The following TPO variants were observed in gnomAD, a reference collection of about 807,000 sequenced individuals.
TPO encodes the protein thyroid peroxidase.
TPO carries 78 observed loss-of-function variants against 96.9 expected under a neutral mutation model. That is an observed-to-expected ratio of 0.81 (90% CI 0.67 to 0.97). TPO has a LOEUF of 0.97. TPO is among the 50% of genes least tolerant of loss of function. The probability of loss-of-function intolerance (pLI) is 0.00; values close to 1 mark genes in which losing one functional copy is unlikely to be tolerated. For synonymous variants in TPO, 547 were observed against 538.0 expected (o/e 1.02, Z -0.23); for missense variants, 1,252 against 1,274.8 (o/e 0.98, Z 0.27).
At chr2:1,475,523 A>G (rs953795302) in intron 7 of TPO, among the ~76,000 whole-genome samples, 2 of 151,592 alleles carry the variant, frequency 1.3e-5, no homozygotes, top group African/African-American at 4.9e-5. Flanking sequence ...TCCCAGGTTC[A>G]CGCCATTCTC....
At position 1,433,625 on chromosome 2, in the gene TPO, C is replaced by T; in HGVS notation, c.349+18C>T. 1 of 1,611,988 alleles carries T rather than the reference C, an allele frequency of 6.2e-7. No homozygotes were observed. Among genetic ancestry groups the T allele is most frequent in the Non-Finnish European group, 8.5e-7 (1 of 1,178,798 alleles). ...TCCAACGGGTAATGTGTGCCCCTCT[C>T]CCCACTGAGGAGCGGCAACTCCCGA... is the stretch of plus-strand genomic sequence containing the variant. On this transcript the variant is annotated intron_variant, in intron 4 of 16. Coordinates refer to ENST00000329066, the MANE Select transcript of TPO (RefSeq NM_001206744.2).
At chr2:1,387,120 C>G (rs1661912353) in intron 1 of TPO, among the ~76,000 whole-genome samples, 1 of 152,154 alleles carries the variant, frequency 6.6e-6, no homozygotes, top group African/African-American at 2.4e-5. Flanking sequence ...GGTAACCCGA[C>G]CTTTCTCTCT....
intron 14 of TPO, among the ~76,000 whole-genome samples, chr2:1,511,833 A>G (rs941830456): frequency 9.9e-5 from 15 of 152,234 alleles, no homozygotes; most frequent in African/African-American, 3.6e-4. Context: ...GGGATTCAGC[A>G]TGAGAATCTG....
intron 14 of TPO, among the ~76,000 whole-genome samples, chr2:1,509,100 C>T (rs911035427): frequency 2.0e-5 from 3 of 152,076 alleles, no homozygotes; most frequent in Non-Finnish European, 2.9e-5. Context: ...TGTTCTCGTT[C>T]GTTTCAAAGA....
chr2:1,376,536 G>A (rs1395428995), intron 1 of TPO, among the ~76,000 whole-genome samples: 1 of 152,104 alleles, frequency 6.6e-6, no homozygotes, highest in Non-Finnish European at 1.5e-5. Flanking sequence ...GGCATTCGCG[G>A]GAGCACCAGC....
At chr2:1,537,284 TC>T (rs1216027835) in intron 15 of TPO, among the ~76,000 whole-genome samples, 5 of 62,054 alleles carry the variant, frequency 8.1e-5, no homozygotes, top group Admixed American at 2.4e-4. Context: ...CCTCCCCAAA[TC>T]CCCCCCACCC....
At chr2:1,380,777 C>T (rs565649153) in intron 1 of TPO, among the ~76,000 whole-genome samples, 1 of 152,176 alleles carries the variant, frequency 6.6e-6, no homozygotes, top group South Asian at 2.1e-4. Context: ...TAAAGAAATA[C>T]CTGAGACTGA....
At chr2:1,527,656 C>G (rs1465301567) in intron 15 of TPO, among the ~76,000 whole-genome samples, 1 of 146,610 alleles carries the variant, frequency 6.8e-6, no homozygotes, top group East Asian at 2.3e-4. Flanking sequence ...AATCCCCCCC[C>G]AATCTGTGCA....
At chr2:1,540,394 C>T (rs533628382) in intron 15 of TPO, among the ~76,000 whole-genome samples, 200 bp from the exon 16 acceptor site, 66 of 149,872 alleles carry the variant, frequency 4.4e-4, no homozygotes, top group Non-Finnish European at 8.6e-4. Flanking sequence ...ATCATTTTTC[C>T]TATGAAGAGA....
intron 1 of TPO, among the ~76,000 whole-genome samples, chr2:1,398,771 G>C (rs999552815): frequency 6.6e-6 from 1 of 152,182 alleles, no homozygotes; most frequent in Non-Finnish European, 1.5e-5. Context: ...TGGGGCCAAG[G>C]CTCTCCTTGC....
intron 15 of TPO, among the ~76,000 whole-genome samples, chr2:1,531,552 T>A (rs536792421): frequency 1.2e-5 from 1 of 86,888 alleles, no homozygotes; most frequent in East Asian, 3.9e-4. Context: ...TCCCACTCTG[T>A]GCAAACTCCC....
chr2:1,388,380 T>C (rs577192250), intron 1 of TPO, among the ~76,000 whole-genome samples: 13 of 152,302 alleles, frequency 8.5e-5, no homozygotes, highest in African/African-American at 3.1e-4. Context: ...TCCTGGCCGC[T>C]TTGTTTACCT....
intron 15 of TPO, among the ~76,000 whole-genome samples, chr2:1,517,456 C>T (rs758655934): frequency 1.3e-5 from 2 of 152,214 alleles, no homozygotes; most frequent in Non-Finnish European, 2.9e-5. Context: ...CTGAGAGGCC[C>T]TGCCCTGTGA....
intron 10 of TPO, among the ~76,000 whole-genome samples, chr2:1,493,209 T>TGGGGGGGGGGGGGG (rs3036079): frequency 1.1e-4 from 2 of 17,494 alleles, no homozygotes; most frequent in African/African-American, 1.6e-4. Flanking sequence ...TGTGAGTGGG[T>TGGGGGGGGGGGGGG]GGGGGGGGGG....
At chr2:1,393,139 G>A (rs1156911160) in intron 1 of TPO, among the ~76,000 whole-genome samples, 1 of 152,214 alleles carries the variant, frequency 6.6e-6, no homozygotes, top group Non-Finnish European at 1.5e-5. Flanking sequence ...TGCTTCTGGG[G>A]AGGCCTCAGG....
intron 13 of TPO, 102 bp from the exon 14 acceptor site, chr2:1,503,846 C>T (rs754634392): frequency 1.2e-6 from 2 of 1,602,226 alleles, no homozygotes; most frequent in African/African-American, 2.7e-5. Flanking sequence ...AGGCAAAGGG[C>T]TGACCTCCCC....
At chr2:1,526,195 C>T (rs566327885) in intron 15 of TPO, among the ~76,000 whole-genome samples, 2 of 116,370 alleles carry the variant, frequency 1.7e-5, no homozygotes, top group East Asian at 3.0e-4. Context: ...CAAATCCCCC[C>T]ACTGTGTGCA....
At chr2:1,397,437 C>A (rs534871390) in intron 1 of TPO, among the ~76,000 whole-genome samples, 3 of 152,296 alleles carry the variant, frequency 2.0e-5, no homozygotes, top group East Asian at 3.9e-4. Context: ...GAAGATACAC[C>A]ATTCCCTCCC....
chr2:1,455,140 C>A (rs530246718), intron 6 of TPO, among the ~76,000 whole-genome samples: 1 of 152,304 alleles, frequency 6.6e-6, no homozygotes, highest in East Asian at 1.9e-4. Flanking sequence ...CTCCACCTCC[C>A]GTCAGGAGAG....
Sources: allele counts gnomAD v4.1 joint callset (sites outside exome capture counted in the v4.1 genomes callset), GRCh38; gene constraint gnomAD v4.1.1; transcripts MANE v1.5; gene names NCBI Gene and HGNC (gene_info 2026-07-23, HGNC 2026-07-21).